Variants in TBC1D15 observed in about 807,000 individuals in gnomAD.
The protein encoded by TBC1D15 is TBC1 domain family member 15, also known as GAP for RAB7.
A neutral mutation model predicts 95.4 loss-of-function variants in TBC1D15; 39 were observed. That is an observed-to-expected ratio of 0.41 (90% CI 0.32 to 0.53). The LOEUF (loss-of-function observed/expected upper bound fraction) is 0.53, where lower values mean the gene tolerates loss of function less well. TBC1D15 is among the 20% of genes least tolerant of loss of function. TBC1D15 has a pLI of 0.29. For missense variants in TBC1D15, 733 were observed against 794.3 expected (o/e 0.92, Z 0.93); for synonymous variants, 258 against 261.3 (o/e 0.99, Z 0.12).
At position 71,880,401 on chromosome 12, in the gene TBC1D15, A is replaced by G. The variant is rs1290167065; in HGVS notation, c.205-68A>G. 3.6e-6 allele frequency: 5 copies of G among 1,375,632 alleles called. No individual in the cohort carries two copies. In the Admixed American group the frequency reaches 1.2e-4, roughly 32 times the overall value. The allele number at this position is 1,375,632 out of a possible 1,614,324, so 85.2% of individuals were successfully genotyped here. ...CAGCCTGCCTACAAACATTGAAGCTAAGATGATATGGATTGAAATTAAATT... is the reference window on the plus strand; with the variant it reads ...CAGCCTGCCTACAAACATTGAAGCTGAGATGATATGGATTGAAATTAAATT... On this transcript the variant is annotated intron_variant, in intron 3 of 16. Transcript: ENST00000485960.
intron 10 of TBC1D15, among the ~76,000 whole-genome samples, chr12:71,903,397 G>A (rs971345835): frequency 3.3e-5 from 5 of 152,180 alleles, no homozygotes; most frequent in Non-Finnish European, 7.3e-5. Context: ...AGAGAAAAGG[G>A]AATGCTTATA....
intron 4 of TBC1D15, among the ~76,000 whole-genome samples, chr12:71,882,324 A>G (rs1033271160): frequency 6.6e-6 from 1 of 152,212 alleles, no homozygotes; most frequent in African/African-American, 2.4e-5. Context: ...TTCCAAGAAC[A>G]TCAGACTGTC....
intron 11 of TBC1D15, among the ~76,000 whole-genome samples, chr12:71,911,611 T>A (rs1256166497): frequency 4.6e-5 from 5 of 107,756 alleles, no homozygotes; most frequent in African/African-American, 7.5e-5. Context: ...CATCACACTC[T>A]GGGGACTGTT....
intron 1 of TBC1D15, among the ~76,000 whole-genome samples, chr12:71,842,365 A>G (rs1011197108): frequency 6.6e-5 from 10 of 152,222 alleles, no homozygotes; most frequent in African/African-American, 2.4e-4. Context: ...CATCTGTGAT[A>G]TGATAACAGT....
intron 1 of TBC1D15, chr12:71,854,624 C>T (rs1458826204): frequency 1.8e-5 from 8 of 456,424 alleles, no homozygotes; most frequent in South Asian, 1.2e-4. Context: ...GAGAATGTGC[C>T]AGTAGATGTT....
At chr12:71,900,254 T>C (rs1449384183) in intron 10 of TBC1D15, among the ~76,000 whole-genome samples, 1 of 152,062 alleles carries the variant, frequency 6.6e-6, no homozygotes, top group Non-Finnish European at 1.5e-5. Flanking sequence ...AGATAGAAGT[T>C]TGGGTATTAT....
intron 14 of TBC1D15, among the ~76,000 whole-genome samples, chr12:71,920,460 A>G (rs184429990): frequency 2.0e-5 from 3 of 152,300 alleles, no homozygotes; most frequent in Non-Finnish European, 4.4e-5. Context: ...AACATTTATC[A>G]TACTGGTTAG....
At chr12:71,901,310 C>T (rs1376615928) in intron 10 of TBC1D15, among the ~76,000 whole-genome samples, 1 of 152,166 alleles carries the variant, frequency 6.6e-6, no homozygotes, top group East Asian at 1.9e-4. Flanking sequence ...ATATGAGCCA[C>T]TGTGCCCAGC....
At chr12:71,860,483 T>TAA in intron 1 of TBC1D15, among the ~76,000 whole-genome samples, 1 of 152,338 alleles carries the variant, frequency 6.6e-6, no homozygotes, top group East Asian at 1.9e-4. Context: ...ATTCCTACAT[T>TAA]ATTTCCTTTT....
intron 1 of TBC1D15, among the ~76,000 whole-genome samples, chr12:71,846,755 C>CTTTTTT (rs10651326): frequency 9.0e-6 from 1 of 111,188 alleles, no homozygotes; most frequent in Non-Finnish European, 1.8e-5. Context: ...TTTTATACAG[C>CTTTTTT]TTTTTTTTTT....
At chr12:71,887,675 C>T (rs1896500297) in intron 5 of TBC1D15, among the ~76,000 whole-genome samples, 1 of 152,164 alleles carries the variant, frequency 6.6e-6, no homozygotes, top group Non-Finnish European at 1.5e-5. Flanking sequence ...CCCTCTTTCC[C>T]CATCTAATGT....
At position 71,899,552 on chromosome 12, in the gene TBC1D15, A is replaced by C. The variant is rs369019360; in HGVS notation, c.1183+1611A>C. On this transcript the variant is annotated intron_variant, in intron 10 of 16. Coordinates refer to ENST00000485960, the MANE Select transcript of TBC1D15 (RefSeq NM_001146213.3). ...GCTCATCAAAAGCTTTTTGGGTGGT[A>C]TAAATTTACTTTTATTAAAAGCAAA... Among the ~76,000 whole-genome samples the C allele has an allele frequency of 1.4e-4, 22 of 152,328 alleles. No individual in the cohort carries two copies. In the South Asian group the frequency reaches 4.3e-3, roughly 30 times the overall value.
At chr12:71,879,386 C>A (rs990821274) in intron 3 of TBC1D15, among the ~76,000 whole-genome samples, 1 of 152,166 alleles carries the variant, frequency 6.6e-6, no homozygotes, top group Non-Finnish European at 1.5e-5. Context: ...CCACCCGCTT[C>A]GGTCTCCCAA....
intron 1 of TBC1D15, among the ~76,000 whole-genome samples, chr12:71,846,681 G>C (rs1333918159): frequency 6.8e-6 from 1 of 147,488 alleles, no homozygotes; most frequent in East Asian, 2.0e-4. Flanking sequence ...CCTCATGTAT[G>C]TATGTATTTA....
chr12:71,868,487 C>T (rs551015456), intron 1 of TBC1D15, among the ~76,000 whole-genome samples: 2 of 152,050 alleles, frequency 1.3e-5, no homozygotes, highest in South Asian at 4.1e-4. Flanking sequence ...ACCTCGTGAT[C>T]CACCCACCTC....
At chr12:71,920,584 T>G in intron 14 of TBC1D15, 147 bp from the exon 15 acceptor site, 1 of 683,998 alleles carries the variant, frequency 1.5e-6, no homozygotes, top group South Asian at 1.7e-5. Flanking sequence ...CTCCTTCCCC[T>G]CATTTCCTAG....
intron 14 of TBC1D15, among the ~76,000 whole-genome samples, chr12:71,920,032 G>A (rs947248923): frequency 2.0e-5 from 3 of 152,068 alleles, no homozygotes; most frequent in Non-Finnish European, 4.4e-5. Context: ...AACACATTTC[G>A]GGTATGATCT....
intron 11 of TBC1D15, among the ~76,000 whole-genome samples, chr12:71,910,725 T>C (rs1902034792): frequency 6.6e-6 from 1 of 152,176 alleles, no homozygotes; most frequent in Non-Finnish European, 1.5e-5. Flanking sequence ...AAGGACTTCA[T>C]GTCTAAAACA....
intron 1 of TBC1D15, among the ~76,000 whole-genome samples, chr12:71,859,545 A>C (rs1037722267): frequency 6.6e-6 from 1 of 151,910 alleles, no homozygotes; most frequent in Middle Eastern, 3.2e-3. Flanking sequence ...AATTTCCTCT[A>C]GTAGTTTTTG....
Sources: gnomAD v4.1 joint callset for allele counts (sites outside exome capture counted in the v4.1 genomes callset) on GRCh38, gnomAD v4.1.1 for gene constraint, MANE v1.5 for transcripts, NCBI Gene and HGNC (gene_info 2026-07-23, HGNC 2026-07-21) for gene names.